Variants in CACNB2 observed in about 807,000 individuals in gnomAD.
The protein encoded by CACNB2 is voltage-dependent L-type calcium channel subunit beta-2.
CACNB2 carries 42 observed loss-of-function variants against 73.3 expected under a neutral mutation model. That is an observed-to-expected ratio of 0.57 (90% CI 0.45 to 0.74). CACNB2 has a LOEUF of 0.74. Ranked by LOEUF, CACNB2 falls within the 30% of genes least tolerant of loss-of-function variation. CACNB2 has a pLI of 0.00. For synonymous variants in CACNB2, 348 were observed against 310.3 expected, an observed-to-expected ratio of 1.12 and a Z score of -1.28; for missense variants, 940 against 853.0, an observed-to-expected ratio of 1.10 and a Z score of -1.27.
At chr10:18,444,562 CTG>C (rs2046641434) in intron 3 of CACNB2, among the ~76,000 whole-genome samples, 1 of 152,026 alleles carries the variant, frequency 6.6e-6, no homozygotes, top group African/African-American at 2.4e-5. Flanking sequence ...AGTGGGGAGA[CTG>C]TGAAGTCACT....
intron 3 of CACNB2, among the ~76,000 whole-genome samples, chr10:18,413,477 C>T (rs751244815): frequency 7.2e-5 from 11 of 152,182 alleles, no homozygotes; most frequent in African/African-American, 2.7e-4. Context: ...GGATCTCTGT[C>T]GGTTCTGCCA....
chr10:18,445,288 A>G (rs2046676764), intron 3 of CACNB2, among the ~76,000 whole-genome samples: 1 of 152,224 alleles, frequency 6.6e-6, no homozygotes, highest in African/African-American at 2.4e-5. Flanking sequence ...TATGTCCGAT[A>G]GTTTATCTTG....
At chr10:18,501,099 T>A in intron 5 of CACNB2, 151 bp downstream of exon 5, 1 of 837,400 alleles carries the variant, frequency 1.2e-6, no homozygotes, top group Non-Finnish European at 1.9e-6. Flanking sequence ...TGCATTTTCC[T>A]GCATTTAAAA....
chr10:18,184,415 A>G (rs1378536407), intron 2 of CACNB2, among the ~76,000 whole-genome samples: 2 of 152,202 alleles, frequency 1.3e-5, no homozygotes, highest in Non-Finnish European at 2.9e-5. Flanking sequence ...AAATCTCATA[A>G]GCCCTAGACT....
At chr10:18,476,780 A>T (rs118105130) in intron 3 of CACNB2, among the ~76,000 whole-genome samples, 2,363 of 152,314 alleles carry the variant, frequency 0.016, 36 homozygotes, top group Middle Eastern at 0.037. Context: ...AAGGAGGCTG[A>T]GGCAGCCCAA....
intron 1 of CACNB2, among the ~76,000 whole-genome samples, chr10:18,145,126 G>C (rs963824153): frequency 1.3e-5 from 2 of 152,202 alleles, no homozygotes; most frequent in African/African-American, 4.8e-5. Flanking sequence ...GTCCCAGCTG[G>C]TCCCAGCCCA....
intron 3 of CACNB2, among the ~76,000 whole-genome samples, chr10:18,476,450 G>A (rs553595176): frequency 3.9e-5 from 6 of 152,270 alleles, no homozygotes; most frequent in Admixed American, 1.3e-4. Context: ...TGGGGTTTAC[G>A]TACCCTCTAG....
At chr10:18,473,942 T>A (rs1292692682) in intron 3 of CACNB2, among the ~76,000 whole-genome samples, 1 of 152,204 alleles carries the variant, frequency 6.6e-6, no homozygotes, top group South Asian at 2.1e-4. Flanking sequence ...GCCACGCTGC[T>A]CTCTGTGACC....
chr10:18,453,193 T>C (rs2047097639), intron 3 of CACNB2, among the ~76,000 whole-genome samples: 1 of 152,158 alleles, frequency 6.6e-6, no homozygotes. Flanking sequence ...CCTGATTTTC[T>C]CTCCCCACGA....
chr10:18,213,662 A>G (rs1313092408), intron 2 of CACNB2, among the ~76,000 whole-genome samples: 1 of 152,248 alleles, frequency 6.6e-6, no homozygotes. Flanking sequence ...AACAATACAC[A>G]TCAAACTTTG....
intron 6 of CACNB2, among the ~76,000 whole-genome samples, chr10:18,509,082 A>T (rs1037754205): frequency 6.6e-6 from 1 of 152,212 alleles, no homozygotes; most frequent in Non-Finnish European, 1.5e-5. Context: ...TTGGAGCTAT[A>T]ACCAACTACA....
intron 3 of CACNB2, among the ~76,000 whole-genome samples, chr10:18,439,301 T>A (rs920686569): frequency 3.9e-5 from 6 of 152,190 alleles, no homozygotes; most frequent in African/African-American, 1.4e-4. Context: ...TGTTTCTGCA[T>A]CTCATCTCCA....
chr10:18,394,465 T>C (rs1428049870), intron 2 of CACNB2, among the ~76,000 whole-genome samples: 1 of 152,212 alleles, frequency 6.6e-6, no homozygotes, highest in Non-Finnish European at 1.5e-5. Flanking sequence ...GCTTTTCTTT[T>C]TATGAGCAGA....
At chr10:18,391,409 A>T (rs536103542) in intron 2 of CACNB2, among the ~76,000 whole-genome samples, 12 of 152,250 alleles carry the variant, frequency 7.9e-5, no homozygotes, top group African/African-American at 2.9e-4. Context: ...GAGAGCTTTA[A>T]ACTATAGGAT....
intron 2 of CACNB2, among the ~76,000 whole-genome samples, chr10:18,233,343 G>T (rs951263355): frequency 3.1e-4 from 47 of 152,078 alleles, no homozygotes; most frequent in African/African-American, 1.0e-3. Flanking sequence ...GAGCCATATT[G>T]CCACTTTTCT....
At chr10:18,254,694 C>A (rs999473529) in intron 2 of CACNB2, among the ~76,000 whole-genome samples, 1 of 152,184 alleles carries the variant, frequency 6.6e-6, no homozygotes, top group Non-Finnish European at 1.5e-5. Flanking sequence ...AAGTGGAGTT[C>A]AGTGGAAGCT....
At chr10:18,480,899 G>C (rs184644443) in intron 3 of CACNB2, among the ~76,000 whole-genome samples, 8 of 152,144 alleles carry the variant, frequency 5.3e-5, no homozygotes, top group African/African-American at 1.7e-4. Context: ...ATTTGTCTAA[G>C]GAAATAAGGA....
At chr10:18,464,557 C>T (rs1183695235) in intron 3 of CACNB2, among the ~76,000 whole-genome samples, 2 of 152,070 alleles carry the variant, frequency 1.3e-5, no homozygotes, top group African/African-American at 4.8e-5. Flanking sequence ...ACCTGATTGC[C>T]CACCTCTACC....
chr10:18,523,778 C>T (rs1326982233), intron 9 of CACNB2, among the ~76,000 whole-genome samples: 3 of 152,108 alleles, frequency 2.0e-5, no homozygotes, highest in Admixed American at 6.5e-5. Flanking sequence ...ATACATATGA[C>T]ATTCTAAAAG....
Sources: allele counts gnomAD v4.1 joint callset (sites outside exome capture counted in the v4.1 genomes callset), GRCh38; gene constraint gnomAD v4.1.1; transcripts MANE v1.5; gene names NCBI Gene and HGNC (gene_info 2026-07-23, HGNC 2026-07-21).